Variants in MLXIP observed in about 807,000 individuals in gnomAD.
MLXIP encodes MLX-interacting protein.
Under a neutral mutation model 87.2 loss-of-function variants are expected in MLXIP, and 30 were observed. That is an observed-to-expected ratio of 0.34 (90% confidence interval 0.26 to 0.47). MLXIP has a LOEUF of 0.47. Among genes scored for constraint, MLXIP ranks in the 20% least tolerant of loss-of-function variants. MLXIP has a pLI of 1.00. For missense variants in MLXIP, 1,002 were observed against 1,240.1 expected (o/e 0.81, Z 2.88); for synonymous variants, 530 against 514.0 (o/e 1.03, Z -0.42).
At chr12:122,113,714 T>G (rs191354580) in intron 1 of MLXIP, among the ~76,000 whole-genome samples, 12 of 113,918 alleles carry the variant, frequency 1.1e-4, no homozygotes, top group Non-Finnish European at 1.9e-4. Context: ...AGACGGAGTC[T>G]CGCTCTGTCG....
Position 122,133,912 on chromosome 12 carries a change from C to A in MLXIP, c.1657C>A (p.Gln553Lys). 3.1e-6 allele frequency: 5 copies of A among 1,609,362 alleles called. No homozygotes were observed. The highest frequency in any genetic ancestry group is 4.2e-6 in the Non-Finnish European group (5 of 1,178,142). Reference sequence around the variant, plus strand: ...ATCCTTGACTGGGGGCAGGCCTAAGCAGCCCCACAAAATAGTGCCTGCTCC... The same window carrying A: ...ATCCTTGACTGGGGGCAGGCCTAAGAAGCCCCACAAAATAGTGCCTGCTCC... ...PVSLTGGRPK[Q>K]PHKIVPAPKP... The change falls in exon 9 of 17, where the codon CAG becomes AAG. Residue 553 changes from glutamine to lysine, a missense_variant. Physicochemically the swap from Gln to Lys is moderately conservative, Grantham distance 53. This residue lies in a region of MLXIP where 746 missense variants were observed against 897.0 expected (regional missense o/e 0.83). Coordinates refer to ENST00000319080, the MANE Select transcript of MLXIP (RefSeq NM_014938.6). The surrounding 1 kb of genome is among the most constrained non-coding windows in gnomAD (Gnocchi z 4.9).
intron 1 of MLXIP, among the ~76,000 whole-genome samples, chr12:122,110,638 G>T (rs544346490): frequency 6.6e-6 from 1 of 152,016 alleles, no homozygotes; most frequent in Non-Finnish European, 1.5e-5. Flanking sequence ...GGGCATGGTG[G>T]TGCATGCCTG....
intron 1 of MLXIP, among the ~76,000 whole-genome samples, chr12:122,079,482 G>C (rs1247866714): frequency 6.6e-6 from 1 of 152,208 alleles, no homozygotes; most frequent in Non-Finnish European, 1.5e-5. Flanking sequence ...GTCCTTTCGG[G>C]TTCACGTTCC....
At position 122,123,282 on chromosome 12, in the gene MLXIP, C is replaced by A. The variant is rs149711319; in HGVS notation, c.414-3974C>A. Reference sequence around the variant, plus strand: ...TCTTGACTTGAAATTGCCTTGGGGGCGGGCTGGGGGTGCAGGCCGTCGACC... The same window carrying A: ...TCTTGACTTGAAATTGCCTTGGGGGAGGGCTGGGGGTGCAGGCCGTCGACC... On this transcript the variant is annotated intron_variant, in intron 1 of 16. Transcript: ENST00000319080. 4.5e-4 allele frequency among the ~76,000 whole-genome samples: 68 copies of A among 152,236 alleles called. No homozygotes were observed. The East Asian group carries it at 0.011, about 25-fold the overall frequency.
intron 7 of MLXIP, 39 bp downstream of exon 7, chr12:122,130,972 C>G (rs758316748): frequency 7.7e-7 from 1 of 1,304,704 alleles, no homozygotes; most frequent in Admixed American, 1.7e-5. Context: ...TTGCCTCCAT[C>G]TCCCCCAGCC....
chr12:122,087,237 C>T (rs36169251), intron 1 of MLXIP, among the ~76,000 whole-genome samples: 25,096 of 152,178 alleles, frequency 0.16, 2,491 homozygotes, highest in East Asian at 0.26. Context: ...TGTGCAGGCA[C>T]GGTTCTAGCC....
chr12:122,136,459 CAAAAAAAAAAAAA>C (rs1224302321), intron 11 of MLXIP: 1 of 28,162 alleles, frequency 3.6e-5, no homozygotes, highest in East Asian at 9.4e-4. Flanking sequence ...TCAAAAAATG[CAAAAAAAAAAAAA>C]AAAAAAAAAA....
In MLXIP at chr12:122,083,833, T is replaced by G. The variant is rs139075660; in HGVS notation, c.413+4567T>G. ...TTTCAGTAGAGGTACTGTCTAATGCTAAGCACAGTTAACCAGTTGTAAATG... is the reference window on the plus strand; with the variant it reads ...TTTCAGTAGAGGTACTGTCTAATGCGAAGCACAGTTAACCAGTTGTAAATG... On this transcript the variant is annotated intron_variant, in intron 1 of 16. Coordinates refer to ENST00000319080, the MANE Select transcript of MLXIP (RefSeq NM_014938.6). Among the ~76,000 whole-genome samples, 3 of 152,370 alleles carry G rather than the reference T, an allele frequency of 2.0e-5. No homozygotes were observed. In the East Asian group the frequency reaches 5.8e-4, roughly 29 times the overall value.
At chr12:122,083,728 G>C (rs551070190) in intron 1 of MLXIP, among the ~76,000 whole-genome samples, 163 of 152,270 alleles carry the variant, frequency 1.1e-3, no homozygotes, top group African/African-American at 3.6e-3. Flanking sequence ...CTTCATTCTT[G>C]ATCAAAGCGG....
At chr12:122,093,343 A>G in intron 1 of MLXIP, among the ~76,000 whole-genome samples, 1 of 98,760 alleles carries the variant, frequency 1.0e-5, no homozygotes. Flanking sequence ...GTGTCTGTGT[A>G]TTGTGTGTGT....
chr12:122,112,521 C>T (rs1455473118), intron 1 of MLXIP, among the ~76,000 whole-genome samples: 1 of 151,990 alleles, frequency 6.6e-6, no homozygotes, highest in East Asian at 1.9e-4. Flanking sequence ...GTGGCGGGCG[C>T]CTGTAGTCCC....
chr12:122,128,175 T>C, intron 3 of MLXIP: 1 of 559,554 alleles, frequency 1.8e-6, no homozygotes, highest in Admixed American at 3.1e-5. Context: ...TCAGAGGGAC[T>C]GGCCCAGGGA....
In MLXIP at chr12:122,141,033, C is replaced by T. The variant is rs542876963; in HGVS notation, c.2588C>T (p.Thr863Met). The T allele has an allele frequency of 1.7e-5, 27 of 1,613,734 alleles. No homozygotes were observed. Among genetic ancestry groups the T allele is most frequent in the African/African-American group, 5.3e-5 (4 of 75,058 alleles). The change falls in exon 16 of 17, where the codon ACG (threonine) becomes ATG (methionine). Residue 863 changes from threonine to methionine, a missense_variant. This residue lies in a region of MLXIP where 746 missense variants were observed against 897.0 expected (regional missense o/e 0.83). Coordinates refer to ENST00000319080, the MANE Select transcript of MLXIP (RefSeq NM_014938.6). The part of the protein sequence containing the change: ...STSSLEELHR[T>M]ALSWLDQHCS... ...AGCAGCCTGGAGGAGCTGCACCGGACGGCGCTCTCCTGGCTGGACCAGCAC... is the reference window on the plus strand; with the variant it reads ...AGCAGCCTGGAGGAGCTGCACCGGATGGCGCTCTCCTGGCTGGACCAGCAC...
intron 13 of MLXIP, 27 bp from the exon 14 acceptor site, chr12:122,138,397 G>T (rs374360388): frequency 6.2e-7 from 1 of 1,611,622 alleles, no homozygotes. Context: ...TGTGGGTGCT[G>T]CCTCCAGCCA....
At chr12:122,088,533 A>G (rs555868445) in intron 1 of MLXIP, among the ~76,000 whole-genome samples, 1 of 152,278 alleles carries the variant, frequency 6.6e-6, no homozygotes, top group South Asian at 2.1e-4. Flanking sequence ...CCCAGTGGTG[A>G]GGAGGAAAGG....
Position 122,129,978 on chromosome 12 carries a change from G to A in MLXIP, c.776G>A (p.Gly259Glu), listed in dbSNP as rs775396072. The change falls in exon 6 of 17, where the codon GGA (glycine) becomes GAA (glutamate). Residue 259 changes from glycine (G) to glutamate (E), a missense_variant. Coordinates refer to ENST00000319080, the MANE Select transcript of MLXIP (RefSeq NM_014938.6). The part of the protein sequence containing the change: ...DMLYWHKHGD[G>E]WKTPVPMEED... The stretch of plus-strand genomic sequence containing the variant: ...CTGTATTGGCACAAGCACGGGGATG[G>A]ATGGAAGACCCCCGTCCCCATGGAG... 6.2e-7 allele frequency: 1 copy of A among 1,613,966 alleles called. No individual in the cohort carries two copies. The highest frequency in any genetic ancestry group is 8.5e-7 in the Non-Finnish European group (1 of 1,179,864).
chr12:122,124,199 C>T (rs180868089), intron 1 of MLXIP, among the ~76,000 whole-genome samples: 3 of 30,928 alleles, frequency 9.7e-5, no homozygotes, highest in African/African-American at 4.2e-4. Flanking sequence ...CCCCCGCCCT[C>T]AGCTGTCCCC....
rs371090324 is a variant in MLXIP at position 122,101,584 on chromosome 12, C to CTT, written c.413+22331_413+22332dup. On this transcript the variant is annotated intron_variant, in intron 1 of 16. Transcript: ENST00000319080. ...TTTATTTATTTTTTTCTTTTTTTTT[C>CTT]TTTTTTTTTTTTTTGAGACGGAGTC... Among the ~76,000 whole-genome samples the CTT allele has an allele frequency of 3.1e-3, 374 of 118,932 alleles. 6 individuals carry two copies. The highest frequency in any genetic ancestry group is 4.8e-3 in the Middle Eastern group (1 of 208). The allele number at this position is 118,932 out of a possible 152,430, so 78.0% of individuals were successfully genotyped here.
intron 1 of MLXIP, among the ~76,000 whole-genome samples, chr12:122,117,059 T>A (rs1952703270): frequency 6.6e-6 from 1 of 152,152 alleles, no homozygotes; most frequent in African/African-American, 2.4e-5. Flanking sequence ...TCCCTGCTTT[T>A]CACACAGAAA....
Sources: allele counts gnomAD v4.1 joint callset (sites outside exome capture counted in the v4.1 genomes callset), GRCh38; gene constraint gnomAD v4.1.1; regional missense constraint gnomAD v4.1.1; non-coding constraint Gnocchi (gnomAD v3.1); transcripts MANE v1.5; gene names NCBI Gene and HGNC (gene_info 2026-07-23, HGNC 2026-07-21).